Variants in FNDC3B observed in about 807,000 individuals in gnomAD.
The protein encoded by FNDC3B is fibronectin type III domain containing 3B.
FNDC3B carries 12 observed loss-of-function variants against 151.5 expected under a neutral mutation model. The ratio of observed to expected loss-of-function variants is 0.08; its 90% CI spans 0.05 to 0.13. The LOEUF (loss-of-function observed/expected upper bound fraction) is 0.13, where lower values mean the gene tolerates loss of function less well. Among genes scored for constraint, FNDC3B ranks in the 10% least tolerant of loss-of-function variants. The pLI, the probability that FNDC3B is intolerant of heterozygous loss-of-function variation, is 1.00. For missense variants in FNDC3B, 1,214 were observed against 1,505.3 expected (o/e 0.81, Z 3.20); for synonymous variants, 528 against 549.0 (o/e 0.96, Z 0.54).
chr3:172,211,937 T>A (rs1725752699), intron 3 of FNDC3B, among the ~76,000 whole-genome samples: 1 of 152,250 alleles, frequency 6.6e-6, no homozygotes, highest in African/African-American at 2.4e-5. Context: ...TATAAATGTT[T>A]TATCAGCTGT....
chr3:172,127,480 C>A (rs574818138), intron 2 of FNDC3B, among the ~76,000 whole-genome samples: 91 of 152,208 alleles, frequency 6.0e-4, no homozygotes, highest in African/African-American at 2.1e-3. Context: ...TCAGTTTCCC[C>A]ACTTGTAAAA....
intron 1 of FNDC3B, among the ~76,000 whole-genome samples, chr3:172,076,954 C>CA (rs1482361911): frequency 6.6e-6 from 1 of 151,896 alleles, no homozygotes; most frequent in Non-Finnish European, 1.5e-5. Flanking sequence ...TTTGAATGAA[C>CA]AAAATAAACA....
At position 172,397,685 on chromosome 3, in the gene FNDC3B, G is replaced by GAAA; in HGVS notation, c.*217_*219dup. 2.9e-5 allele frequency: 9 copies of GAAA among 313,844 alleles called. No individual in the cohort carries two copies. Among genetic ancestry groups the GAAA allele is most frequent in the East Asian group, 1.0e-4 (2 of 19,282 alleles). 19.4% of individuals were successfully genotyped at this position (313,844 alleles called of 1,614,324 possible). A position where few individuals can be genotyped will look rare whatever the true frequency, so the allele number is the denominator to read the frequency against. ...ACTGGATTTTTTTTTTTAAAAAAAAGAAAAAAAAAGAAGAAAAGTATACCA... is the reference window on the plus strand; with the variant it reads ...ACTGGATTTTTTTTTTTAAAAAAAAGAAAAAAAAAAAAGAAGAAAAGTATACCA... On this transcript the variant is annotated 3_prime_UTR_variant, in exon 26 of 26. Coordinates refer to ENST00000415807, the MANE Select transcript of FNDC3B (RefSeq NM_022763.4).
intron 24 of FNDC3B, among the ~76,000 whole-genome samples, chr3:172,378,997 C>T (rs1378107662): frequency 6.6e-6 from 1 of 152,132 alleles, no homozygotes; most frequent in African/African-American, 2.4e-5. Flanking sequence ...TTGTGAGAGC[C>T]CCATGTATCC....
chr3:172,342,214 C>G (rs1733362310), intron 17 of FNDC3B, among the ~76,000 whole-genome samples: 1 of 152,198 alleles, frequency 6.6e-6, no homozygotes, highest in Non-Finnish European at 1.5e-5. Context: ...TAGACACTGC[C>G]TGTGAGGAGA....
chr3:172,290,212 C>G (rs1444828974), intron 7 of FNDC3B, among the ~76,000 whole-genome samples: 2 of 152,176 alleles, frequency 1.3e-5, no homozygotes, highest in Non-Finnish European at 2.9e-5. Context: ...AGGTGCAGAA[C>G]TTGTGGATTC....
chr3:172,258,501 G>C (rs1303557318), intron 6 of FNDC3B, among the ~76,000 whole-genome samples: 1 of 152,172 alleles, frequency 6.6e-6, no homozygotes. Context: ...AAAGCAGCAA[G>C]AAAGTGTATT....
At chr3:172,291,808 A>G (rs1414555128) in intron 7 of FNDC3B, among the ~76,000 whole-genome samples, 1 of 152,204 alleles carries the variant, frequency 6.6e-6, no homozygotes, top group Non-Finnish European at 1.5e-5. Context: ...TGATCAGATT[A>G]GCCGTGCCCT....
At chr3:172,197,300 G>A (rs1724888331) in intron 3 of FNDC3B, among the ~76,000 whole-genome samples, 1 of 152,174 alleles carries the variant, frequency 6.6e-6, no homozygotes, top group Non-Finnish European at 1.5e-5. Context: ...GCACTTGTTA[G>A]CTAACCCCAA....
At chr3:172,116,488 G>A (rs912920409) in intron 2 of FNDC3B, among the ~76,000 whole-genome samples, 3 of 152,076 alleles carry the variant, frequency 2.0e-5, no homozygotes, top group African/African-American at 7.2e-5. Context: ...TCTGTAGGTA[G>A]ATATTGCCTA....
At chr3:172,331,252 C>T (rs1407718790) in intron 13 of FNDC3B, among the ~76,000 whole-genome samples, 1 of 152,130 alleles carries the variant, frequency 6.6e-6, no homozygotes, top group Admixed American at 6.6e-5. Flanking sequence ...GAGTAAAATC[C>T]CTAGAGCTCT....
chr3:172,326,003 T>C (rs529102932), intron 11 of FNDC3B, among the ~76,000 whole-genome samples: 4 of 152,214 alleles, frequency 2.6e-5, no homozygotes, highest in Non-Finnish European at 5.9e-5. Context: ...TCTTTGTATT[T>C]TTAGTAGAGA....
intron 1 of FNDC3B, among the ~76,000 whole-genome samples, chr3:172,076,244 C>T (rs2108492892): frequency 6.6e-6 from 1 of 152,256 alleles, no homozygotes. Context: ...ATTTATTCTA[C>T]AAATGTTTGT....
intron 2 of FNDC3B, among the ~76,000 whole-genome samples, chr3:172,131,412 C>T (rs113034821): frequency 6.7e-6 from 1 of 150,188 alleles, no homozygotes; most frequent in Non-Finnish European, 1.5e-5. Flanking sequence ...AAAAAAAAAA[C>T]CAAATATTTT....
At chr3:172,396,690 T>C (rs2108400682) in intron 25 of FNDC3B, among the ~76,000 whole-genome samples, 1 of 152,272 alleles carries the variant, frequency 6.6e-6, no homozygotes, top group Admixed American at 6.5e-5. Flanking sequence ...TGAAGCGTAT[T>C]GTGAACTGTG....
chr3:172,252,243 CAG>C (rs1428823985), intron 6 of FNDC3B, among the ~76,000 whole-genome samples: 4 of 152,184 alleles, frequency 2.6e-5, no homozygotes, highest in African/African-American at 9.6e-5. Flanking sequence ...TAAGGAAAAA[CAG>C]TGGCTATTTC....
chr3:172,259,939 AT>A (rs1728562774), intron 6 of FNDC3B, among the ~76,000 whole-genome samples: 1 of 152,244 alleles, frequency 6.6e-6, no homozygotes, highest in South Asian at 2.1e-4. Context: ...GCATGCAAAA[AT>A]AATTCGTTGA....
chr3:172,165,941 AT>A (rs1165444544), intron 3 of FNDC3B, among the ~76,000 whole-genome samples: 1 of 152,166 alleles, frequency 6.6e-6, no homozygotes, highest in Non-Finnish European at 1.5e-5. Context: ...GGAGTGTTTC[AT>A]TTTGTTCTTT....
intron 3 of FNDC3B, among the ~76,000 whole-genome samples, chr3:172,212,946 C>T (rs574306106): frequency 2.0e-5 from 3 of 152,168 alleles, no homozygotes; most frequent in African/African-American, 7.2e-5. Flanking sequence ...ATCACGAGGA[C>T]AGTTGGAAAA....
Sources: gnomAD v4.1 joint callset for allele counts (sites outside exome capture counted in the v4.1 genomes callset) on GRCh38, gnomAD v4.1.1 for gene constraint, MANE v1.5 for transcripts, NCBI Gene and HGNC (gene_info 2026-07-23, HGNC 2026-07-21) for gene names.